Variants in NINL observed in about 807,000 individuals in gnomAD.
The protein encoded by NINL is ninein like.
NINL carries 153 observed loss-of-function variants against 160.3 expected under a neutral mutation model. The ratio of observed to expected loss-of-function variants is 0.95; its 90% confidence interval spans 0.84 to 1.09. NINL has a LOEUF of 1.09. Among genes scored for constraint, NINL ranks in the 50% least tolerant of loss-of-function variants. NINL has a pLI of 0.00. For missense variants in NINL, 1,829 were observed against 1,764.0 expected (o/e 1.04, Z -0.66); for synonymous variants, 800 against 734.8 (o/e 1.09, Z -1.43).
chr20:25,505,337 G>GC (rs1489605987), intron 5 of NINL, among the ~76,000 whole-genome samples: 2 of 91,094 alleles, frequency 2.2e-5, no homozygotes, highest in East Asian at 1.0e-3. Context: ...GATGCTGGTT[G>GC]GGGGGGGGTC....
intron 1 of NINL, among the ~76,000 whole-genome samples, chr20:25,559,269 T>C (rs1298007311): frequency 3.3e-5 from 5 of 151,878 alleles, no homozygotes; most frequent in Non-Finnish European, 5.9e-5. Context: ...TGAGATGGAG[T>C]CTCACTCTGT....
At chr20:25,480,364 A>G (rs1338864018) in intron 14 of NINL, 97 bp from the exon 15 acceptor site, 8 of 856,936 alleles carry the variant, frequency 9.3e-6, no homozygotes, top group African/African-American at 1.7e-5. Flanking sequence ...GGCATCCATG[A>G]GGGGCAGGTG....
chr20:25,531,730 G>A (rs1339124687), intron 1 of NINL, among the ~76,000 whole-genome samples: 1 of 152,162 alleles, frequency 6.6e-6, no homozygotes, highest in Non-Finnish European at 1.5e-5. Flanking sequence ...CCCAAAAGCT[G>A]TGCCTTTGGG....
intron 1 of NINL, among the ~76,000 whole-genome samples, chr20:25,527,210 G>A (rs1254576831): frequency 6.6e-6 from 1 of 151,742 alleles, no homozygotes; most frequent in Non-Finnish European, 1.5e-5. Flanking sequence ...CTGGAGTGCA[G>A]TAGCGTAATC....
chr20:25,505,100 A>C, intron 5 of NINL, 22 bp from the exon 6 acceptor site: 1 of 1,547,038 alleles, frequency 6.5e-7, no homozygotes, highest in Non-Finnish European at 8.7e-7. Context: ...GAGGAGTCAC[A>C]GTTACACCCT....
intron 4 of NINL, among the ~76,000 whole-genome samples, chr20:25,511,679 A>C (rs75310418): frequency 0.019 from 2,842 of 152,322 alleles, 37 homozygotes; most frequent in South Asian, 0.07. Flanking sequence ...GATCCACCAC[A>C]AGGAGGAGAT....
chr20:25,472,950 C>A (rs1233857676), intron 17 of NINL, among the ~76,000 whole-genome samples: 3 of 152,134 alleles, frequency 2.0e-5, no homozygotes, highest in Admixed American at 1.3e-4. Flanking sequence ...TTGTGAGAGC[C>A]AAAAACTAGG....
intron 4 of NINL, among the ~76,000 whole-genome samples, chr20:25,511,682 G>A (rs1264250963): frequency 2.6e-5 from 4 of 152,102 alleles, no homozygotes; most frequent in African/African-American, 9.7e-5. Flanking sequence ...CCACCACAAG[G>A]AGGAGATTCA....
chr20:25,529,773 C>T (rs750116845), intron 1 of NINL, among the ~76,000 whole-genome samples: 1 of 152,072 alleles, frequency 6.6e-6, no homozygotes, highest in Non-Finnish European at 1.5e-5. Context: ...GCCAGGAAGT[C>T]GAGGCTGCAG....
intron 1 of NINL, among the ~76,000 whole-genome samples, chr20:25,529,673 T>C (rs921822437): frequency 1.3e-5 from 2 of 152,042 alleles, no homozygotes; most frequent in African/African-American, 4.8e-5. Flanking sequence ...ACCCCGTCTC[T>C]ACAAAAAACA....
intron 17 of NINL, among the ~76,000 whole-genome samples, chr20:25,473,902 A>T (rs2063170277): frequency 6.6e-6 from 1 of 152,162 alleles, no homozygotes; most frequent in Non-Finnish European, 1.5e-5. Context: ...AAAAAGTTAA[A>T]AAGAAAGAAA....
chr20:25,547,956 A>C (rs1336782494), intron 1 of NINL, among the ~76,000 whole-genome samples: 2 of 152,262 alleles, frequency 1.3e-5, no homozygotes, highest in Non-Finnish European at 2.9e-5. Flanking sequence ...AAAAGTGCAC[A>C]GAAAGATGCT....
Position 25,498,280 on chromosome 20 carries a change from G to C in NINL, c.1099C>G (p.Leu367Val), listed in dbSNP as rs1049339159. The C allele has an allele frequency of 6.2e-7, 1 of 1,613,460 alleles. No individual in the cohort carries two copies. The highest frequency in any genetic ancestry group is 1.1e-5 in the South Asian group (1 of 91,046). Residue 367 changes from leucine (L) to valine (V), a missense_variant, in exon 9 of 24, where the codon CTC (leucine) becomes GTC (valine). Coordinates refer to ENST00000278886, the MANE Select transcript of NINL (RefSeq NM_025176.6). Reference sequence around the variant, plus strand: ...TGGACGGCACTGTCCACTGTCATGAGCTCGTTGTCAAGGGCCCAGGTCAGC... The same window carrying C: ...TGGACGGCACTGTCCACTGTCATGACCTCGTTGTCAAGGGCCCAGGTCAGC... ...LELTWALDNE[L>V]MTVDSAVQQA... is the part of the protein sequence containing the mutation.
chr20:25,482,218 C>A, intron 13 of NINL, 118 bp from the exon 14 acceptor site: 1 of 1,129,456 alleles, frequency 8.9e-7, no homozygotes, highest in South Asian at 1.8e-5. Flanking sequence ...AGGTGAGGGC[C>A]TGTTGCTTCC....
At chr20:25,500,067 G>A (rs1172799857) in intron 8 of NINL, among the ~76,000 whole-genome samples, 1 of 152,056 alleles carries the variant, frequency 6.6e-6, no homozygotes, top group African/African-American at 2.4e-5. Context: ...CCAGGGAATA[G>A]GGAGAGGGGG....
chr20:25,562,160 C>T (rs1440136877), intron 1 of NINL, among the ~76,000 whole-genome samples: 2 of 143,110 alleles, frequency 1.4e-5, no homozygotes, highest in African/African-American at 2.6e-5. Context: ...ACGCCCCGTC[C>T]GGGAGGGAGG....
At chr20:25,540,285 C>T (rs1389752887) in intron 1 of NINL, among the ~76,000 whole-genome samples, 1 of 152,156 alleles carries the variant, frequency 6.6e-6, no homozygotes, top group East Asian at 1.9e-4. Flanking sequence ...CAAACATAAA[C>T]TTTGCCACCA....
At chr20:25,555,515 T>C (rs1311977911) in intron 1 of NINL, among the ~76,000 whole-genome samples, 3 of 152,246 alleles carry the variant, frequency 2.0e-5, no homozygotes, top group Non-Finnish European at 2.9e-5. Context: ...CATGAGCATA[T>C]GGCTCAAGGA....
chr20:25,495,855 G>A (rs1601145763), intron 10 of NINL, among the ~76,000 whole-genome samples: 2 of 152,216 alleles, frequency 1.3e-5, no homozygotes, highest in East Asian at 1.9e-4. Flanking sequence ...AAAACAAATC[G>A]GAAATCTAAG....
Sources: gnomAD v4.1 joint callset for allele counts (sites outside exome capture counted in the v4.1 genomes callset) on GRCh38, gnomAD v4.1.1 for gene constraint, MANE v1.5 for transcripts, NCBI Gene and HGNC (gene_info 2026-07-23, HGNC 2026-07-21) for gene names.